CNBD1: variants seen among roughly 807,000 people sequenced by gnomAD.
CNBD1 encodes cyclic nucleotide binding domain containing 1.
A neutral mutation model predicts 54.4 loss-of-function variants in CNBD1; 71 were observed. The observed-to-expected ratio is 1.30, with a 90% confidence interval of 1.08 to 1.59. The LOEUF (loss-of-function observed/expected upper bound fraction) is 1.59, where lower values mean the gene tolerates loss of function less well. Among genes scored for constraint, CNBD1 ranks in the 40% most tolerant of loss-of-function variants. CNBD1 has a pLI of 0.00. For missense variants in CNBD1, 659 were observed against 518.0 expected (o/e 1.27, Z -2.64); for synonymous variants, 182 against 170.7 (o/e 1.07, Z -0.51).
intron 4 of CNBD1, among the ~76,000 whole-genome samples, chr8:87,011,539 A>G (rs1422720747): frequency 6.6e-6 from 1 of 152,088 alleles, no homozygotes; most frequent in East Asian, 1.9e-4. Context: ...GTTATCTGAG[A>G]CAAGCCACTT....
chr8:87,220,650 C>A (rs1279199479), intron 5 of CNBD1, among the ~76,000 whole-genome samples: 3 of 151,910 alleles, frequency 2.0e-5, no homozygotes, highest in Non-Finnish European at 2.9e-5. Context: ...AATATTTCTG[C>A]AAACACCACT....
rs574505076 is a variant in CNBD1, at chr8:87,056,695, ATAAAAT to A, written c.431+116944_431+116949del. On this transcript the variant is annotated intron_variant, in intron 4 of 10. Transcript: ENST00000518476. Reference sequence around the variant, plus strand: ...AAGGTAATTATAATATTTTAAAGAGATAAAATTAGAATTTAATTATATTGACTGATT... The same window carrying A: ...AAGGTAATTATAATATTTTAAAGAGATAGAATTTAATTATATTGACTGATT... Among the ~76,000 whole-genome samples the A allele has an allele frequency of 3.0e-4, 45 of 152,246 alleles. No homozygotes were observed. In the East Asian group the frequency reaches 8.3e-3, roughly 28 times the overall value.
chr8:87,121,597 C>T (rs1410249215), intron 4 of CNBD1, among the ~76,000 whole-genome samples: 1 of 151,622 alleles, frequency 6.6e-6, no homozygotes, highest in Non-Finnish European at 1.5e-5. Context: ...CCCTGCTATG[C>T]AGTATATCAC....
intron 2 of CNBD1, among the ~76,000 whole-genome samples, chr8:87,399,815 G>T (rs182240785): frequency 6.6e-6 from 1 of 151,878 alleles, no homozygotes; most frequent in Non-Finnish European, 1.5e-5. Flanking sequence ...TGGTGAAAAA[G>T]TATTTCAATG....
intron 4 of CNBD1, among the ~76,000 whole-genome samples, chr8:86,993,764 T>C (rs1036733385): frequency 1.3e-5 from 2 of 152,230 alleles, no homozygotes; most frequent in Admixed American, 1.3e-4. Flanking sequence ...ATCCAGTAGA[T>C]GCTGTTTTAG....
intron 2 of CNBD1, among the ~76,000 whole-genome samples, chr8:87,423,065 G>C (rs1266938079): frequency 6.6e-6 from 1 of 151,522 alleles, no homozygotes; most frequent in Non-Finnish European, 1.5e-5. Context: ...TCATGATTTG[G>C]CTCTCTGTTT....
chr8:87,053,941 C>A (rs1434566931), intron 4 of CNBD1, among the ~76,000 whole-genome samples: 1 of 152,188 alleles, frequency 6.6e-6, no homozygotes, highest in East Asian at 1.9e-4. Context: ...CAATTGGATG[C>A]AGAATGGATG....
rs560714908 is a variant in CNBD1, at chr8:87,374,230, C to T, written c.1304-8390C>T. Among the ~76,000 whole-genome samples the T allele has an allele frequency of 2.7e-3, 410 of 151,828 alleles. 2 individuals carry two copies. The highest frequency in any genetic ancestry group is 4.8e-3 in the Non-Finnish European group (323 of 67,816). On this transcript the variant is annotated intron_variant, in intron 10 of 10. Transcript: ENST00000518476. ...CATTGTGAATATTTACCGTGCACTT[C>T]ATCTGTCTTTTACTGTGCAATAGTG...
At chr8:87,226,745 G>T (rs1172776193) in intron 5 of CNBD1, among the ~76,000 whole-genome samples, 4 of 151,924 alleles carry the variant, frequency 2.6e-5, no homozygotes, top group East Asian at 1.9e-4. Flanking sequence ...TTCTGTAGAT[G>T]TCTATTAGGT....
At chr8:87,385,036 A>G (rs1411429828), downstream of CNBD1, among the ~76,000 whole-genome samples, 1 of 152,208 alleles carries the variant, frequency 6.6e-6, no homozygotes, top group Non-Finnish European at 1.5e-5. Flanking sequence ...GTTTTCAAAT[A>G]ATCACTTGGG....
chr8:87,141,489 C>G (rs1210422547), intron 4 of CNBD1, among the ~76,000 whole-genome samples: 1 of 152,136 alleles, frequency 6.6e-6, no homozygotes, highest in Non-Finnish European at 1.5e-5. Flanking sequence ...ACAGCCAATT[C>G]TCCTAACTAT....
intron 10 of CNBD1, among the ~76,000 whole-genome samples, chr8:87,377,177 GT>G (rs1166787514): frequency 2.0e-5 from 3 of 146,748 alleles, no homozygotes; most frequent in Non-Finnish European, 4.5e-5. Context: ...TATACTTTAA[GT>G]TTTACGGTAC....
chr8:86,969,709 C>T (rs1175593533), intron 4 of CNBD1, among the ~76,000 whole-genome samples: 1 of 151,268 alleles, frequency 6.6e-6, no homozygotes, highest in Admixed American at 6.6e-5. Context: ...GAGTTATTGT[C>T]TAATACAAAT....
intron 4 of CNBD1, among the ~76,000 whole-genome samples, chr8:87,095,893 C>T (rs907069184): frequency 6.6e-5 from 10 of 152,284 alleles, no homozygotes; most frequent in East Asian, 5.8e-4. Flanking sequence ...CTCCTGACCT[C>T]GTGATCTGCC....
At chr8:87,276,137 A>C (rs1808475869) in intron 6 of CNBD1, among the ~76,000 whole-genome samples, 1 of 151,940 alleles carries the variant, frequency 6.6e-6, no homozygotes, top group South Asian at 2.1e-4. Context: ...TAGTATAGGC[A>C]TTGGAGAGTC....
chr8:87,294,624 C>T (rs887488697), intron 8 of CNBD1, among the ~76,000 whole-genome samples: 9 of 152,158 alleles, frequency 5.9e-5, no homozygotes, highest in African/African-American at 1.9e-4. Flanking sequence ...TCCAGAATGA[C>T]TCATTTCATG....
intron 4 of CNBD1, among the ~76,000 whole-genome samples, chr8:86,944,049 G>T (rs1165553618): frequency 3.3e-5 from 5 of 152,166 alleles, no homozygotes; most frequent in South Asian, 4.1e-4. Context: ...TTGAATAAAT[G>T]CTGAGGGAGA....
chr8:87,348,324 A>G (rs1371390264), intron 8 of CNBD1, among the ~76,000 whole-genome samples: 1 of 152,136 alleles, frequency 6.6e-6, no homozygotes, highest in Non-Finnish European at 1.5e-5. Context: ...ATATTGGGTA[A>G]AGTATTGATG....
At chr8:87,413,250 G>C (rs1205175274) in intron 2 of CNBD1, among the ~76,000 whole-genome samples, 1 of 152,008 alleles carries the variant, frequency 6.6e-6, no homozygotes, top group East Asian at 1.9e-4. Context: ...CATTTTCCAA[G>C]CTTAACTTTC....
Sources: allele counts gnomAD v4.1 joint callset (sites outside exome capture counted in the v4.1 genomes callset), GRCh38; gene constraint gnomAD v4.1.1; transcripts MANE v1.5; gene names NCBI Gene and HGNC (gene_info 2026-07-23, HGNC 2026-07-21).